GRID2: variants seen among roughly 807,000 people sequenced by gnomAD.
GRID2 encodes glutamate receptor ionotropic, delta-2.
A neutral mutation model predicts 114.8 loss-of-function variants in GRID2; 33 were observed. The ratio of observed to expected loss-of-function variants is 0.29; its 90% CI spans 0.22 to 0.38. GRID2 has a LOEUF of 0.38. GRID2 is among the 10% of genes least tolerant of loss of function. The pLI, the probability that GRID2 is intolerant of heterozygous loss-of-function variation, is 1.00. For missense variants in GRID2, 1,184 were observed against 1,257.7 expected, an observed-to-expected ratio of 0.94 and a Z score of 0.89; for synonymous variants, 505 against 449.9, an observed-to-expected ratio of 1.12 and a Z score of -1.55.
chr4:93,186,540 T>A (rs1373434244), intron 4 of GRID2, among the ~76,000 whole-genome samples: 2 of 152,180 alleles, frequency 1.3e-5, no homozygotes, highest in Non-Finnish European at 2.9e-5. Context: ...AATATAGGAA[T>A]TGCTTCTCTA....
chr4:93,473,677 G>T (rs1725052893), intron 11 of GRID2, among the ~76,000 whole-genome samples: 1 of 152,036 alleles, frequency 6.6e-6, no homozygotes, highest in Non-Finnish European at 1.5e-5. Flanking sequence ...GTGTATTGTT[G>T]GTGTTTATAA....
intron 1 of GRID2, among the ~76,000 whole-genome samples, chr4:93,792,360 C>A (rs944354895): frequency 7.2e-5 from 11 of 152,134 alleles, no homozygotes; most frequent in Non-Finnish European, 1.6e-4. Flanking sequence ...TCCCCCACAC[C>A]TAGCCCTCTC....
At chr4:93,044,308 T>C (rs1725913502) in intron 2 of GRID2, among the ~76,000 whole-genome samples, 1 of 152,126 alleles carries the variant, frequency 6.6e-6, no homozygotes, top group South Asian at 2.1e-4. Context: ...TAGCAATTTA[T>C]ATATTACATT....
At chr4:93,733,703 C>T (rs996558642) in intron 14 of GRID2, among the ~76,000 whole-genome samples, 4 of 151,982 alleles carry the variant, frequency 2.6e-5, no homozygotes, top group Admixed American at 6.6e-5. Context: ...AAATATCAAT[C>T]GTGATCAAAA....
At chr4:93,729,834 T>A (rs533487287) in intron 14 of GRID2, among the ~76,000 whole-genome samples, 58 of 152,182 alleles carry the variant, frequency 3.8e-4, no homozygotes, top group Non-Finnish European at 5.9e-4. Flanking sequence ...TGCGTAACAC[T>A]CTGCACTTTG....
intron 13 of GRID2, among the ~76,000 whole-genome samples, chr4:93,584,927 G>A (rs183507965): frequency 2.0e-4 from 30 of 152,180 alleles, no homozygotes; most frequent in African/African-American, 6.3e-4. Context: ...GGAATGAGTA[G>A]GAGCATTGTC....
At chr4:93,303,948 C>G (rs1298146542) in intron 8 of GRID2, among the ~76,000 whole-genome samples, 1 of 151,958 alleles carries the variant, frequency 6.6e-6, no homozygotes, top group Admixed American at 6.6e-5. Context: ...AAAAATAATA[C>G]TTCTCTGAGT....
chr4:93,125,841 A>G (rs911938329), intron 4 of GRID2, among the ~76,000 whole-genome samples: 1 of 152,248 alleles, frequency 6.6e-6, no homozygotes, highest in Non-Finnish European at 1.5e-5. Context: ...AAATTCTTAC[A>G]TATAGGATTG....
chr4:92,388,366 A>G (rs1730078863), intron 1 of GRID2, among the ~76,000 whole-genome samples: 1 of 151,992 alleles, frequency 6.6e-6, no homozygotes, highest in African/African-American at 2.4e-5. Context: ...TATTCCCAAT[A>G]CCACGGTTAC....
intron 8 of GRID2, among the ~76,000 whole-genome samples, chr4:93,381,792 T>C (rs1437941977): frequency 1.3e-5 from 2 of 152,120 alleles, no homozygotes; most frequent in African/African-American, 4.8e-5. Flanking sequence ...AAACCATTGT[T>C]ACAATAATAG....
At chr4:92,706,270 AT>A (rs1734953040) in intron 2 of GRID2, among the ~76,000 whole-genome samples, 1 of 152,184 alleles carries the variant, frequency 6.6e-6, no homozygotes, top group African/African-American at 2.4e-5. Context: ...ATAGTTGTAA[AT>A]ATCAGGGTTA....
At chr4:92,997,109 G>A (rs948014639) in intron 2 of GRID2, among the ~76,000 whole-genome samples, 2 of 152,048 alleles carry the variant, frequency 1.3e-5, no homozygotes, top group Admixed American at 1.3e-4. Context: ...TTCACTTCAG[G>A]TGTTTTGCCT....
chr4:93,658,545 T>C (rs1723215494), intron 14 of GRID2, among the ~76,000 whole-genome samples: 1 of 152,170 alleles, frequency 6.6e-6, no homozygotes, highest in Admixed American at 6.5e-5. Context: ...TTAAGTAGCT[T>C]ACCCAAGATC....
intron 2 of GRID2, among the ~76,000 whole-genome samples, chr4:93,012,081 G>A (rs77160573): frequency 4.6e-4 from 58 of 125,420 alleles, no homozygotes; most frequent in East Asian, 1.2e-3. Context: ...TTATCAGGCT[G>A]AAAAAAAAAA....
intron 2 of GRID2, among the ~76,000 whole-genome samples, chr4:92,709,400 A>G (rs1215657301): frequency 2.0e-5 from 3 of 151,826 alleles, no homozygotes; most frequent in African/African-American, 4.8e-5. Context: ...GCTGCATATA[A>G]AAAGTTCTTG....
chr4:93,077,380 A>G (rs1729431203), intron 2 of GRID2, among the ~76,000 whole-genome samples: 1 of 152,162 alleles, frequency 6.6e-6, no homozygotes, highest in South Asian at 2.1e-4. Context: ...AAACATAAAC[A>G]CACTGTTCCC....
intron 5 of GRID2, among the ~76,000 whole-genome samples, chr4:93,212,536 T>TAA (rs1328580384): frequency 6.6e-6 from 1 of 152,088 alleles, no homozygotes; most frequent in Non-Finnish European, 1.5e-5. Context: ...GCTTAACACT[T>TAA]TATTTAAGTT....
intron 10 of GRID2, among the ~76,000 whole-genome samples, chr4:93,429,563 C>T (rs1322605032): frequency 6.6e-6 from 1 of 152,068 alleles, no homozygotes; most frequent in African/African-American, 2.4e-5. Context: ...GCGTTTCCAC[C>T]ACCTGGAAAT....
intron 8 of GRID2, among the ~76,000 whole-genome samples, chr4:93,332,266 G>A (rs111559957): frequency 1.0e-5 from 1 of 98,674 alleles, no homozygotes; most frequent in Non-Finnish European, 1.8e-5. Context: ...GTGTGTGTGT[G>A]CGTGTGTGTG....
Sources: allele counts gnomAD v4.1 joint callset (sites outside exome capture counted in the v4.1 genomes callset), GRCh38; gene constraint gnomAD v4.1.1; transcripts MANE v1.5; gene names NCBI Gene and HGNC (gene_info 2026-07-23, HGNC 2026-07-21).